Variants in IL17RA observed in about 807,000 individuals in gnomAD.
IL17RA encodes the protein interleukin 17 receptor A, also known as interleukin-17 receptor A.
In IL17RA, 34 loss-of-function variants were observed where a neutral mutation model predicts 50.4. The observed-to-expected ratio is 0.67, with a 90% CI of 0.51 to 0.90. IL17RA has a LOEUF of 0.90. Among genes scored for constraint, IL17RA ranks in the 40% least tolerant of loss-of-function variants. IL17RA has a pLI of 0.00. For missense variants in IL17RA, 1,276 were observed against 1,169.8 expected (o/e 1.09, Z -1.32); for synonymous variants, 585 against 510.4 (o/e 1.15, Z -1.97).
rs2061393120 is a variant in IL17RA, at chr22:17,101,995, G to A, written c.551-1G>A. 6.2e-7 allele frequency: 1 copy of A among 1,614,114 alleles called. No individual in the cohort carries two copies. Among genetic ancestry groups the A allele is most frequent in the African/African-American group, 1.3e-5 (1 of 74,954 alleles). ...GAGTTTCCTTTTTTCTGGGTCGACA[G>A]ACTGTGAGCACGCCAGGATGAAGGT... On this transcript the variant is annotated splice_acceptor_variant, in intron 5 of 12. Transcript: ENST00000319363. LOFTEE classifies it high-confidence loss of function.
At chr22:17,102,325 C>T (rs1568920579) in intron 7 of IL17RA, 23 bp downstream of exon 7, 2 of 1,613,442 alleles carry the variant, frequency 1.2e-6, no homozygotes, top group South Asian at 1.1e-5. Context: ...TTTTTGACCC[C>T]TCTAGCATAG....
intron 2 of IL17RA, chr22:17,097,533 C>T (rs2061372623): frequency 3.5e-6 from 2 of 571,296 alleles, no homozygotes; most frequent in Non-Finnish European, 6.3e-6. Flanking sequence ...CCCTTATTCC[C>T]AATCACAACT....
In IL17RA at chr22:17,101,985, T is replaced by C; in HGVS notation, c.551-11T>C. 1 of 1,614,220 alleles carries C rather than the reference T, an allele frequency of 6.2e-7. No homozygotes were observed. Among genetic ancestry groups the C allele is most frequent in the Non-Finnish European group, 8.5e-7 (1 of 1,180,034 alleles). ...GAGGCTTAATGAGTTTCCTTTTTTC[T>C]GGGTCGACAGACTGTGAGCACGCCA... On this transcript the variant is annotated splice_polypyrimidine_tract_variant and intron_variant, in intron 5 of 12. Transcript: ENST00000319363.
chr22:17,110,131 T>G lies in IL17RA; in HGVS notation c.*311T>G. 1 of 409,186 alleles carries G rather than the reference T, an allele frequency of 2.4e-6. No homozygotes were observed. The highest frequency in any genetic ancestry group is 4.5e-6 in the Non-Finnish European group (1 of 220,780). 25.3% of individuals were successfully genotyped at this position (409,186 alleles called of 1,614,324 possible). A position where few individuals can be genotyped will look rare whatever the true frequency, so the allele number is the denominator to read the frequency against. ...CCTACTATGTGGCGGGCATTTGGGA[T>G]ACCAAGATAAATTGCATGCGGCATG... On this transcript the variant is annotated 3_prime_UTR_variant, in exon 13 of 13. Transcript: ENST00000319363.
chr22:17,094,689 C>A (rs199773077), intron 1 of IL17RA, among the ~76,000 whole-genome samples: 12,260 of 37,958 alleles, frequency 0.32, 2,602 homozygotes, highest in Non-Finnish European at 0.41. Flanking sequence ...CTCTCTCTCT[C>A]TCTATATATA....
intron 1 of IL17RA, among the ~76,000 whole-genome samples, chr22:17,087,999 A>G (rs907044639): frequency 9.9e-5 from 15 of 152,270 alleles, no homozygotes; most frequent in Non-Finnish European, 1.5e-4. Context: ...AGAGGCTACA[A>G]AGTTGTGTTC....
intron 1 of IL17RA, among the ~76,000 whole-genome samples, chr22:17,085,662 C>G (rs1485512125): frequency 1.3e-5 from 2 of 152,146 alleles, no homozygotes; most frequent in African/African-American, 2.4e-5. Flanking sequence ...CCTTGCGCCC[C>G]TCACGTACCC....
rs143239201 is a variant in IL17RA, at chr22:17,105,887, G to T, written c.978G>T (p.Thr326=). ...CCCTGTGGGTGTACTGGTTCATCAC[G>T]GGCATCTCCATCCTGCTGGTGGGCT... is the stretch of plus-strand genomic sequence containing the variant. ...YMPLWVYWFI[T]GISILLVGSV... The change falls in exon 11 of 13, where the codon ACG becomes ACT. Residue 326 remains threonine (T), a synonymous_variant. Coordinates refer to ENST00000319363, the MANE Select transcript of IL17RA (RefSeq NM_014339.7). 1 of 1,614,118 alleles carries T rather than the reference G, an allele frequency of 6.2e-7. No individual in the cohort carries two copies. The highest frequency in any genetic ancestry group is 8.5e-7 in the Non-Finnish European group (1 of 1,180,022).
rs781731675 is a variant in IL17RA at position 17,108,566 on chromosome 22, C to T, written c.1347C>T (p.Arg449=). 1.0e-5 allele frequency: 16 copies of T among 1,606,866 alleles called. No individual in the cohort carries two copies. In the East Asian group the frequency reaches 2.9e-4, roughly 29 times the overall value. The part of the protein sequence containing the change: ...SNSKIIVLCS[R]GTRAKWQALL... Reference sequence around the variant, plus strand: ...CTAAGATCATCGTCCTGTGCTCCCGCGGCACGCGCGCCAAGTGGCAGGCGC... The same window carrying T: ...CTAAGATCATCGTCCTGTGCTCCCGTGGCACGCGCGCCAAGTGGCAGGCGC... The change falls in exon 13 of 13, where the codon CGC becomes CGT. Residue 449 remains arginine, a synonymous_variant. Coordinates refer to ENST00000319363, the MANE Select transcript of IL17RA (RefSeq NM_014339.7).
rs760598364 is a variant in IL17RA, at chr22:17,098,791, C to CG, written c.328dup (p.Glu110GlyfsTer14). The CG allele has an allele frequency of 1.9e-6, 3 of 1,614,086 alleles. No homozygotes were observed. The highest frequency in any genetic ancestry group is 2.5e-6 in the Non-Finnish European group (3 of 1,179,936). ...CTCCTGCAGCCAGCATCCTGTACCT[C>CG]GAGGGTGCAGAGTTATCTGTCCTGC... On this transcript the variant is annotated frameshift_variant, in exon 4 of 13. Transcript: ENST00000319363. LOFTEE classifies it high-confidence loss of function.
intron 1 of IL17RA, among the ~76,000 whole-genome samples, chr22:17,091,599 A>C (rs1270100696): frequency 6.6e-6 from 1 of 151,798 alleles, no homozygotes; most frequent in African/African-American, 2.4e-5. Flanking sequence ...AATGGGGGGA[A>C]CCTGGGAGGC....
intron 3 of IL17RA, 61 bp downstream of exon 3, chr22:17,098,004 G>A: frequency 6.2e-7 from 1 of 1,602,946 alleles, no homozygotes; most frequent in Non-Finnish European, 8.5e-7. Context: ...GGCTCTCCCA[G>A]TCAGGCTCAG....
chr22:17,087,229 A>T (rs529613958), intron 1 of IL17RA, among the ~76,000 whole-genome samples: 1 of 152,212 alleles, frequency 6.6e-6, no homozygotes, highest in African/African-American at 2.4e-5. Context: ...GAGGGGAGGG[A>T]AGGCCACAGA....
chr22:17,106,300 G>C (rs2061414509), intron 11 of IL17RA, among the ~76,000 whole-genome samples: 1 of 152,224 alleles, frequency 6.6e-6, no homozygotes, highest in Non-Finnish European at 1.5e-5. Flanking sequence ...GCAGCCGCCA[G>C]ACGTGGACGC....
At position 17,105,724 on chromosome 22, in the gene IL17RA, G is replaced by GC. The variant is rs200937197; in HGVS notation, c.943+122_943+123insC. 125 of 1,386,680 alleles carry GC rather than the reference G, an allele frequency of 9.0e-5. 2 individuals carry two copies. The highest frequency in any genetic ancestry group is 6.7e-4 in the South Asian group (58 of 86,650). The allele number at this position is 1,386,680 out of a possible 1,614,324, so 85.9% of individuals were successfully genotyped here. On this transcript the variant is annotated intron_variant, in intron 10 of 12. Transcript: ENST00000319363. The stretch of plus-strand genomic sequence containing the variant: ...TGAACCGAGGCCAGCCCGGGGTGGG[G>GC]GGTGAGACCATGGTTTGTCGTGGTG...
rs35718705 is a variant in IL17RA at position 17,100,141 on chromosome 22, T to TAAAAAAAA, written c.424-201_424-194dup. Among the ~76,000 whole-genome samples, 511 of 121,446 alleles carry TAAAAAAAA rather than the reference T, an allele frequency of 4.2e-3. 14 individuals carry two copies. The highest frequency in any genetic ancestry group is 0.03 in the Middle Eastern group (7 of 236). The allele number at this position is 121,446 out of a possible 152,430, so 79.7% of individuals were successfully genotyped here. ...CTACTGATGAGGCCAGATCCAGGTT[T>TAAAAAAAA]AAAAAAAAAAAAAAAAAAAACAGGC... On this transcript the variant is annotated intron_variant, in intron 4 of 12. Transcript: ENST00000319363.
Position 17,109,303 on chromosome 22 carries a change from C to G in IL17RA, c.2084C>G (p.Ala695Gly). ...GCTGACGGTGCCGCAGTCCGGCTGG[C>G]ACTGGCGGGGGAGGGCGAGGCCTGC... ...PLADGAAVRLALAGEGEACPL... is the reference protein window; with the variant it reads ...PLADGAAVRLGLAGEGEACPL... Residue 695 changes from alanine to glycine, a missense_variant, in exon 13 of 13, where the codon GCA becomes GGA. Ala to Gly is a moderately conservative substitution (Grantham distance 60). Transcript: ENST00000319363. 2 of 1,537,530 alleles carry G rather than the reference C, an allele frequency of 1.3e-6. No individual in the cohort carries two copies. Among genetic ancestry groups the G allele is most frequent in the Non-Finnish European group, 1.7e-6 (2 of 1,146,090 alleles).
chr22:17,095,368 C>T (rs1156411696), intron 1 of IL17RA, among the ~76,000 whole-genome samples: 2 of 152,170 alleles, frequency 1.3e-5, no homozygotes, highest in Non-Finnish European at 2.9e-5. Flanking sequence ...TATTTCCCTC[C>T]ATCTCGGGAA....
Position 17,110,494 on chromosome 22 carries a change from T to C in IL17RA, c.*674T>C, listed in dbSNP as rs1463691793. 1.1e-5 allele frequency: 1 copy of C among 88,108 alleles called. No individual in the cohort carries two copies. The highest frequency in any genetic ancestry group is 1.3e-4 in the Admixed American group (1 of 7,796). 5.5% of individuals were successfully genotyped at this position (88,108 alleles called of 1,614,324 possible). On this transcript the variant is annotated 3_prime_UTR_variant, in exon 13 of 13. Coordinates refer to ENST00000319363, the MANE Select transcript of IL17RA (RefSeq NM_014339.7). ...GCCTGGATGACAGAGCGAGACTCTA[T>C]CTCAAAAAAAAAAAAAAAAAAAGAT...
Sources: gnomAD v4.1 joint callset for allele counts (sites outside exome capture counted in the v4.1 genomes callset) on GRCh38, gnomAD v4.1.1 for gene constraint, MANE v1.5 for transcripts, NCBI Gene and HGNC (gene_info 2026-07-23, HGNC 2026-07-21) for gene names.